The following GLUD1 variants were observed in gnomAD, a reference collection of about 807,000 sequenced individuals.
The protein encoded by GLUD1 is glutamate dehydrogenase 1.
GLUD1 carries 22 observed loss-of-function variants against 56.0 expected under a neutral mutation model. That is an observed-to-expected ratio of 0.39 (90% CI 0.28 to 0.56). GLUD1 has a LOEUF of 0.56. GLUD1 is among the 20% of genes least tolerant of loss of function. The pLI, the probability that GLUD1 is intolerant of heterozygous loss-of-function variation, is 0.58. For missense variants in GLUD1, 451 were observed against 732.0 expected (o/e 0.62, Z 4.43); for synonymous variants, 223 against 269.9 (o/e 0.83, Z 1.70).
At position 87,094,743 on chromosome 10, in the gene GLUD1, C is replaced by A. The variant is rs757565618; in HGVS notation, c.27G>T (p.Leu9=). Reference sequence around the variant, plus strand: ...CAGCGGGCCCGGCCCGGGACAGCAACAGCGCTTCGCCCAGGTAGCGGTACA... The same window carrying A: ...CAGCGGGCCCGGCCCGGGACAGCAAAAGCGCTTCGCCCAGGTAGCGGTACA... MYRYLGEA[L]LLSRAGPAAL... The change falls in exon 1 of 13, where the codon CTG becomes CTT. Residue 9 remains leucine, a synonymous_variant. Coordinates refer to ENST00000277865, the MANE Select transcript of GLUD1 (RefSeq NM_005271.5). This position sits in a 1 kb window ranked among gnomAD's most constrained non-coding sequence, Gnocchi z 6.6. 3 of 1,532,228 alleles carry A rather than the reference C, an allele frequency of 2.0e-6. No individual in the cohort carries two copies. The highest frequency in any genetic ancestry group is 2.6e-6 in the Non-Finnish European group (3 of 1,138,100). The allele number at this position is 1,532,228 out of a possible 1,614,324, so 94.9% of individuals were successfully genotyped here. A position where few individuals can be genotyped will look rare whatever the true frequency, so the allele number is the denominator to read the frequency against.
At chr10:87,060,017 G>A (rs1845885254) in intron 9 of GLUD1, 144 bp downstream of exon 9, 2 of 664,856 alleles carry the variant, frequency 3.0e-6, no homozygotes, top group African/African-American at 3.6e-5. Flanking sequence ...AATTAACCAT[G>A]CTTCTACTAT....
intron 1 of GLUD1, among the ~76,000 whole-genome samples, chr10:87,077,869 T>C (rs939727546): frequency 3.3e-5 from 5 of 151,960 alleles, no homozygotes; most frequent in Non-Finnish European, 7.4e-5. Flanking sequence ...AGGGGCTGGG[T>C]ACGATTTCCA....
intron 1 of GLUD1, among the ~76,000 whole-genome samples, chr10:87,081,307 C>T (rs1342379031): frequency 3.5e-5 from 5 of 144,206 alleles, no homozygotes; most frequent in Admixed American, 6.8e-5. Flanking sequence ...CCAGCCACCC[C>T]GTCCGGGAGG....
intron 11 of GLUD1, among the ~76,000 whole-genome samples, chr10:87,056,142 C>CA (rs1212555487): frequency 3.7e-4 from 49 of 132,328 alleles, no homozygotes; most frequent in African/African-American, 5.7e-4. Flanking sequence ...AAAAAAAAAC[C>CA]AAAAAAAAAG....
At position 87,050,241 on chromosome 10, in the gene GLUD1, G is replaced by C. The variant is rs1362848448; in HGVS notation, c.*1510C>G. Among the ~76,000 whole-genome samples the C allele has an allele frequency of 1.3e-5, 2 of 150,460 alleles. No homozygotes were observed. Among genetic ancestry groups the C allele is most frequent in the Non-Finnish European group, 2.9e-5 (2 of 67,810 alleles). Reference sequence around the variant, plus strand: ...TTTAATAAAATACAAAATAATTCGAGAATAAAGACTATGCTTTCAGGGATC... The same window carrying C: ...TTTAATAAAATACAAAATAATTCGACAATAAAGACTATGCTTTCAGGGATC... On this transcript the variant is annotated 3_prime_UTR_variant, in exon 13 of 13. Coordinates refer to ENST00000277865, the MANE Select transcript of GLUD1 (RefSeq NM_005271.5).
At position 87,094,210 on chromosome 10, in the gene GLUD1, G is replaced by C. The variant is rs1466279747; in HGVS notation, c.445+115C>G. On this transcript the variant is annotated intron_variant, in intron 1 of 12. Transcript: ENST00000277865. The surrounding 1 kb of genome is among the most constrained non-coding windows in gnomAD (Gnocchi z 6.6). ...GCGGGGTGACCCGGGCGGGGACCCG[G>C]CCCGCTCCAGCTGGGCTGGGCTGGG... 7.1e-7 allele frequency: 1 copy of C among 1,410,064 alleles called. No individual in the cohort carries two copies. Among genetic ancestry groups the C allele is most frequent in the African/African-American group, 1.4e-5 (1 of 69,362 alleles). 87.3% of individuals were successfully genotyped at this position (1,410,064 alleles called of 1,614,324 possible).
intron 5 of GLUD1, among the ~76,000 whole-genome samples, chr10:87,065,844 A>G (rs907059330): frequency 6.6e-6 from 1 of 152,162 alleles, no homozygotes; most frequent in African/African-American, 2.4e-5. Flanking sequence ...GTCATTTTGC[A>G]TAGGAGGAAA....
At chr10:87,063,368 C>T (rs757075879) in intron 5 of GLUD1, among the ~76,000 whole-genome samples, 6 of 152,092 alleles carry the variant, frequency 3.9e-5, no homozygotes, top group Non-Finnish European at 7.3e-5. Flanking sequence ...CCACCACGCC[C>T]GGCAAAGTAG....
Position 87,094,188 on chromosome 10 carries a change from G to C in GLUD1, c.445+137C>G. The C allele has an allele frequency of 2.9e-6, 4 of 1,383,440 alleles. No individual in the cohort carries two copies. The East Asian group carries it at 1.0e-4, about 35-fold the overall frequency. 85.7% of individuals were successfully genotyped at this position (1,383,440 alleles called of 1,614,324 possible). A position where few individuals can be genotyped will look rare whatever the true frequency, so the allele number is the denominator to read the frequency against. On this transcript the variant is annotated intron_variant, in intron 1 of 12. Coordinates refer to ENST00000277865, the MANE Select transcript of GLUD1 (RefSeq NM_005271.5). The surrounding 1 kb of genome is among the most constrained non-coding windows in gnomAD (Gnocchi z 6.6). Reference sequence around the variant, plus strand: ...CACAGAGCCGGCCACATCCGAGGCGGGGTGACCCGGGCGGGGACCCGGCCC... The same window carrying C: ...CACAGAGCCGGCCACATCCGAGGCGCGGTGACCCGGGCGGGGACCCGGCCC...
rs1017362319 is a variant in GLUD1 at position 87,094,775 on chromosome 10, C to T, written c.-6G>A. On this transcript the variant is annotated 5_prime_UTR_variant, in exon 1 of 13. It adds an upstream start codon to the 5' untranslated region. Coordinates refer to ENST00000277865, the MANE Select transcript of GLUD1 (RefSeq NM_005271.5). The surrounding 1 kb of genome is among the most constrained non-coding windows in gnomAD (Gnocchi z 6.6). Reference sequence around the variant, plus strand: ...TCGCCCAGGTAGCGGTACATGGCCACAAGCGGAGGGGAGGTGCGTGATGGT... The same window carrying T: ...TCGCCCAGGTAGCGGTACATGGCCATAAGCGGAGGGGAGGTGCGTGATGGT... The T allele has an allele frequency of 2.0e-6, 3 of 1,534,532 alleles. No homozygotes were observed. The highest frequency in any genetic ancestry group is 2.6e-6 in the Non-Finnish European group (3 of 1,137,608).
At chr10:87,075,909 G>T in intron 3 of GLUD1, 59 bp downstream of exon 3, 2 of 1,179,364 alleles carry the variant, frequency 1.7e-6, no homozygotes, top group Non-Finnish European at 2.5e-6. Flanking sequence ...GGAAGACTCT[G>T]TCTCAGAAAA....
chr10:87,052,768 A>G (rs1288971115), intron 12 of GLUD1, among the ~76,000 whole-genome samples: 2 of 152,022 alleles, frequency 1.3e-5, no homozygotes, highest in African/African-American at 2.4e-5. Context: ...GCCGAATTTA[A>G]TACTTTGAAA....
chr10:87,076,958 C>T lies in GLUD1; in HGVS notation c.446-302G>A, dbSNP rs553211234. 2.0e-5 allele frequency among the ~76,000 whole-genome samples: 3 copies of T among 151,810 alleles called. No homozygotes were observed. The South Asian group carries it at 6.2e-4, about 32-fold the overall frequency. On this transcript the variant is annotated intron_variant, in intron 1 of 12. Coordinates refer to ENST00000277865, the MANE Select transcript of GLUD1 (RefSeq NM_005271.5). ...GAAGGCTTTTTTATGTTCCTTTTACCTTTGGTTTGGGTGACCTGGTTGCAG... is the reference window on the plus strand; with the variant it reads ...GAAGGCTTTTTTATGTTCCTTTTACTTTTGGTTTGGGTGACCTGGTTGCAG...
chr10:87,072,911 C>T lies in GLUD1; in HGVS notation c.646+1640G>A, dbSNP rs180906630. Among the ~76,000 whole-genome samples, 369 of 152,238 alleles carry T rather than the reference C, an allele frequency of 2.4e-3. 2 individuals are homozygous for T. The highest frequency in any genetic ancestry group is 8.4e-3 in the African/African-American group (348 of 41,556). On this transcript the variant is annotated intron_variant, in intron 4 of 12. Transcript: ENST00000277865. ...GTAGGCACTCCTATAAAAGTGTGAGCGAGATAGTTAACTCATATTAACTTA... is the reference window on the plus strand; with the variant it reads ...GTAGGCACTCCTATAAAAGTGTGAGTGAGATAGTTAACTCATATTAACTTA...
intron 10 of GLUD1, among the ~76,000 whole-genome samples, chr10:87,058,117 C>T (rs1845836193): frequency 6.6e-6 from 1 of 152,230 alleles, no homozygotes; most frequent in Non-Finnish European, 1.5e-5. Context: ...ATTCATCTGC[C>T]TTGGCCTCCC....
rs546708803 is a variant in GLUD1 at position 87,063,915 on chromosome 10, G to A, written c.742-1080C>T. Among the ~76,000 whole-genome samples, 8 of 151,432 alleles carry A rather than the reference G, an allele frequency of 5.3e-5. No individual in the cohort carries two copies. In the East Asian group the frequency reaches 1.6e-3, roughly 29 times the overall value. ...TTTTTTTGAGACGGAGTCTCGCTCT[G>A]TCACCCAGGCTGGAGTGCAGTGGCG... On this transcript the variant is annotated intron_variant, in intron 5 of 12. Transcript: ENST00000277865.
chr10:87,092,796 G>A (rs1841545029), intron 1 of GLUD1: 1 of 154,746 alleles, frequency 6.5e-6, no homozygotes, highest in East Asian at 1.9e-4. Flanking sequence ...TCCGTTTTAA[G>A]AAAACGATGC....
chr10:87,085,342 C>T (rs1163318006), intron 1 of GLUD1, among the ~76,000 whole-genome samples: 5 of 114,052 alleles, frequency 4.4e-5, no homozygotes, highest in South Asian at 5.7e-4. Flanking sequence ...AGTGAGACTC[C>T]GTCTCCAAAA....
chr10:87,086,031 G>A (rs1301792530), intron 1 of GLUD1, among the ~76,000 whole-genome samples: 2 of 152,142 alleles, frequency 1.3e-5, no homozygotes, highest in African/African-American at 4.8e-5. Flanking sequence ...AGGGATAAAG[G>A]CTTGAAACCT....
Sources: allele counts gnomAD v4.1 joint callset (sites outside exome capture counted in the v4.1 genomes callset), GRCh38; gene constraint gnomAD v4.1.1; non-coding constraint Gnocchi (gnomAD v3.1); transcripts MANE v1.5; gene names NCBI Gene and HGNC (gene_info 2026-07-23, HGNC 2026-07-21).